Variants in SH3RF3 observed in about 807,000 individuals in gnomAD.
SH3RF3 encodes the protein E3 ubiquitin-protein ligase SH3RF3.
Under a neutral mutation model 66.3 loss-of-function variants are expected in SH3RF3, and 29 were observed. That is an observed-to-expected ratio of 0.44 (90% CI 0.33 to 0.60). The LOEUF is 0.60. Among genes scored for constraint, SH3RF3 ranks in the 20% least tolerant of loss-of-function variants. The pLI, the probability that SH3RF3 is intolerant of heterozygous loss-of-function variation, is 0.04. For missense variants in SH3RF3, 1,194 were observed against 1,190.9 expected (o/e 1.00, Z -0.04); for synonymous variants, 583 against 532.0 (o/e 1.10, Z -1.32).
At chr2:109,151,628 C>T (rs1677227730) in intron 1 of SH3RF3, among the ~76,000 whole-genome samples, 1 of 152,212 alleles carries the variant, frequency 6.6e-6, no homozygotes, top group South Asian at 2.1e-4. Flanking sequence ...GCCTGAAGCC[C>T]ATGTGTATTT....
At chr2:109,136,938 CA>C (rs1165701397) in intron 1 of SH3RF3, among the ~76,000 whole-genome samples, 1 of 152,250 alleles carries the variant, frequency 6.6e-6, no homozygotes, top group East Asian at 1.9e-4. Context: ...TACCCTGGTT[CA>C]AGGAATGGGA....
intron 1 of SH3RF3, among the ~76,000 whole-genome samples, chr2:109,343,763 G>C (rs34195152): frequency 6.9e-6 from 1 of 145,690 alleles, no homozygotes; most frequent in Non-Finnish European, 1.5e-5. Flanking sequence ...TTTTTTCTTA[G>C]ACACAGGTTC....
chr2:109,188,711 G>A (rs919508), intron 1 of SH3RF3, among the ~76,000 whole-genome samples: 123,039 of 152,060 alleles, frequency 0.81, 49,906 homozygotes, highest in South Asian at 0.86. Flanking sequence ...CTCCCACCAC[G>A]TGGTGCTTGC....
chr2:109,402,041 C>T (rs1013797221), intron 4 of SH3RF3, among the ~76,000 whole-genome samples: 3 of 152,216 alleles, frequency 2.0e-5, no homozygotes, highest in Non-Finnish European at 2.9e-5. Flanking sequence ...GCCTGTCTCC[C>T]TGTCCTGATT....
chr2:109,354,483 G>A (rs2105594405), intron 2 of SH3RF3, among the ~76,000 whole-genome samples: 1 of 152,376 alleles, frequency 6.6e-6, no homozygotes, highest in South Asian at 2.1e-4. Context: ...TTTTACATGT[G>A]ATTCTTCCAC....
intron 1 of SH3RF3, among the ~76,000 whole-genome samples, chr2:109,245,402 T>G (rs957017880): frequency 1.6e-4 from 25 of 152,224 alleles, no homozygotes; most frequent in African/African-American, 5.8e-4. Flanking sequence ...AATTTTTGTT[T>G]CTTTGTGGTT....
chr2:109,340,303 T>C (rs1216943122), intron 1 of SH3RF3, among the ~76,000 whole-genome samples: 2 of 152,034 alleles, frequency 1.3e-5, no homozygotes, highest in Admixed American at 6.5e-5. Flanking sequence ...AAGGATCCTG[T>C]GGGTCTCGCA....
intron 2 of SH3RF3, among the ~76,000 whole-genome samples, chr2:109,360,218 A>G (rs1206569612): frequency 6.6e-6 from 1 of 152,224 alleles, no homozygotes; most frequent in African/African-American, 2.4e-5. Flanking sequence ...TACTCTGAAC[A>G]TGTAATTTTT....
intron 8 of SH3RF3, among the ~76,000 whole-genome samples, chr2:109,485,908 T>A (rs1206881490): frequency 6.6e-6 from 1 of 152,254 alleles, no homozygotes. Context: ...GCCCTTGATC[T>A]CCTACACACC....
intron 3 of SH3RF3, among the ~76,000 whole-genome samples, chr2:109,397,705 C>T (rs10165592): frequency 0.024 from 3,702 of 152,286 alleles, 149 homozygotes; most frequent in African/African-American, 0.078. Context: ...CACGGACCTT[C>T]CCCCAGTGGG....
chr2:109,421,698 G>A (rs779929633), intron 5 of SH3RF3, among the ~76,000 whole-genome samples: 1 of 152,182 alleles, frequency 6.6e-6, no homozygotes, highest in Non-Finnish European at 1.5e-5. Flanking sequence ...TGAGATTTGG[G>A]TAAGAGGGAA....
At chr2:109,195,668 G>A (rs571908961) in intron 1 of SH3RF3, among the ~76,000 whole-genome samples, 2 of 152,266 alleles carry the variant, frequency 1.3e-5, no homozygotes, top group African/African-American at 2.4e-5. Flanking sequence ...AGAGAGCTCC[G>A]CGTTTGCATC....
intron 1 of SH3RF3, among the ~76,000 whole-genome samples, chr2:109,142,768 A>T (rs12617134): frequency 0.035 from 5,282 of 152,138 alleles, 364 homozygotes; most frequent in East Asian, 0.21. Context: ...AGCATCGAGG[A>T]TTGTTGTTGA....
intron 2 of SH3RF3, among the ~76,000 whole-genome samples, chr2:109,367,921 G>T (rs970027513): frequency 1.3e-5 from 2 of 152,160 alleles, no homozygotes; most frequent in Admixed American, 1.3e-4. Flanking sequence ...ACCAAAAATG[G>T]GAAAGTGCCT....
At chr2:109,194,773 C>G (rs1446193720) in intron 1 of SH3RF3, among the ~76,000 whole-genome samples, 1 of 152,150 alleles carries the variant, frequency 6.6e-6, no homozygotes, top group Non-Finnish European at 1.5e-5. Flanking sequence ...AAGCTCTGCC[C>G]AGAATGTGGT....
intron 4 of SH3RF3, among the ~76,000 whole-genome samples, chr2:109,404,028 C>A (rs191938115): frequency 7.9e-5 from 12 of 152,290 alleles, no homozygotes; most frequent in African/African-American, 2.4e-4. Flanking sequence ...ACACCAGGCA[C>A]CAGACACATC....
intron 1 of SH3RF3, among the ~76,000 whole-genome samples, chr2:109,173,876 C>A: frequency 6.6e-6 from 1 of 152,204 alleles, no homozygotes; most frequent in Admixed American, 6.5e-5. Flanking sequence ...TTTGCTGTTG[C>A]TTCATCTGGA....
chr2:109,177,595 A>T (rs1365433463), intron 1 of SH3RF3, among the ~76,000 whole-genome samples: 1 of 152,084 alleles, frequency 6.6e-6, no homozygotes, highest in African/African-American at 2.4e-5. Flanking sequence ...TGGTCCAGAG[A>T]AAGAACAAGG....
rs183827225 is a variant in SH3RF3 at position 109,345,724 on chromosome 2, T to C, written c.574-1950T>C. Among the ~76,000 whole-genome samples the C allele has an allele frequency of 8.1e-4, 123 of 152,336 alleles. 1 individual carries two copies. Among genetic ancestry groups the C allele is most frequent in the Middle Eastern group, 3.4e-3 (1 of 294 alleles). On this transcript the variant is annotated intron_variant, in intron 1 of 9. Coordinates refer to ENST00000309415, the MANE Select transcript of SH3RF3 (RefSeq NM_001099289.3). ...TTATATTTAACTTTTAAAGTATTCG[T>C]AGACTAAGTTCTATTAGAACAGGGA...
Sources: gnomAD v4.1 joint callset for allele counts (sites outside exome capture counted in the v4.1 genomes callset) on GRCh38, gnomAD v4.1.1 for gene constraint, MANE v1.5 for transcripts, NCBI Gene and HGNC (gene_info 2026-07-23, HGNC 2026-07-21) for gene names.